NIPBL: variants seen among roughly 807,000 people sequenced by gnomAD.
The protein encoded by NIPBL is nipped-B-like protein.
In NIPBL, 19 loss-of-function variants were observed where a neutral mutation model predicts 321.8. The observed-to-expected ratio is 0.06, with a 90% CI of 0.04 to 0.09. The LOEUF is 0.09. NIPBL is among the 10% of genes least tolerant of loss of function. The pLI is 1.00. For synonymous variants in NIPBL, 1,106 were observed against 1,114.1 expected, an observed-to-expected ratio of 0.99 and a Z score of 0.14; for missense variants, 2,210 against 3,327.0, an observed-to-expected ratio of 0.66 and a Z score of 8.26.
intron 32 of NIPBL, among the ~76,000 whole-genome samples, chr5:37,032,389 G>A (rs1305672235): frequency 5.1e-5 from 1 of 19,554 alleles, no homozygotes; most frequent in African/African-American, 6.7e-4. Flanking sequence ...ATGTATACGT[G>A]TGTGTGTGTG....
intron 21 of NIPBL, among the ~76,000 whole-genome samples, chr5:37,014,226 GGGAGAGGGAGAGGGAGAA>G (rs1000940629): frequency 8.9e-5 from 13 of 146,500 alleles, no homozygotes; most frequent in East Asian, 3.9e-4. Flanking sequence ...ACCGTGGAGA[GGGAGAGGGAGAGGGAGAA>G]GGAGAGGGAG....
chr5:36,959,440 A>G (rs973740554), intron 4 of NIPBL, among the ~76,000 whole-genome samples: 2 of 152,198 alleles, frequency 1.3e-5, no homozygotes, highest in Admixed American at 6.5e-5. Flanking sequence ...CCTTTTAGCA[A>G]GTTGAAGGTA....
intron 42 of NIPBL, among the ~76,000 whole-genome samples, chr5:37,053,976 T>C (rs1169144154): frequency 6.6e-6 from 1 of 152,034 alleles, no homozygotes; most frequent in Admixed American, 6.5e-5. Context: ...GGCAGGTGGA[T>C]CACAAGGTCA....
In NIPBL at chr5:36,932,390, A is replaced by G. The variant is rs529059931; in HGVS notation, c.-79-21228A>G. On this transcript the variant is annotated intron_variant, in intron 1 of 46. Transcript: ENST00000282516. ...TTCGTTGTTAGGTATGAATACATGT[A>G]TAAACGTTATATCTTCCTTATGTAC... 4.6e-5 allele frequency among the ~76,000 whole-genome samples: 7 copies of G among 152,314 alleles called. No individual in the cohort carries two copies. In the East Asian group the frequency reaches 1.3e-3, roughly 29 times the overall value.
At chr5:36,915,635 G>A (rs1406064749) in intron 1 of NIPBL, among the ~76,000 whole-genome samples, 2 of 152,124 alleles carry the variant, frequency 1.3e-5, no homozygotes, top group Non-Finnish European at 2.9e-5. Flanking sequence ...TATTTAAAAT[G>A]TTTAAAGCTT....
At chr5:36,907,423 G>A (rs975521062) in intron 1 of NIPBL, among the ~76,000 whole-genome samples, 4 of 152,030 alleles carry the variant, frequency 2.6e-5, no homozygotes, top group Admixed American at 6.6e-5. Context: ...AAAAATAAAA[G>A]TTACGTAGAT....
At chr5:36,884,307 G>A (rs923655207) in intron 1 of NIPBL, among the ~76,000 whole-genome samples, 2 of 152,052 alleles carry the variant, frequency 1.3e-5, no homozygotes, top group Non-Finnish European at 1.5e-5. Context: ...CAGTTTCAGA[G>A]GCCTCAAATT....
intron 8 of NIPBL, among the ~76,000 whole-genome samples, chr5:36,975,090 A>G (rs1364835083): frequency 6.6e-6 from 1 of 151,932 alleles, no homozygotes; most frequent in Non-Finnish European, 1.5e-5. Flanking sequence ...AATATATTTT[A>G]TTGGGCCTTG....
In NIPBL at chr5:37,062,988, A is replaced by G. The variant is rs571951610; in HGVS notation, c.7861-802A>G. On this transcript the variant is annotated intron_variant, in intron 45 of 46. Transcript: ENST00000282516. ...TGATATTTCTATTTTATCACAATAT[A>G]AAAGTTTTTAAAAATGTTTTTGAAA... Among the ~76,000 whole-genome samples the G allele has an allele frequency of 7.2e-5, 11 of 152,310 alleles. No individual in the cohort carries two copies. In the South Asian group the frequency reaches 2.3e-3, roughly 32 times the overall value.
chr5:37,028,738 T>C (rs1328555369), intron 32 of NIPBL, among the ~76,000 whole-genome samples: 1 of 152,244 alleles, frequency 6.6e-6, no homozygotes, highest in Non-Finnish European at 1.5e-5. Context: ...TAAAAAATTA[T>C]CATTTATACC....
chr5:36,967,522 CTTTT>C (rs1385490837), intron 6 of NIPBL, among the ~76,000 whole-genome samples: 1 of 152,068 alleles, frequency 6.6e-6, no homozygotes, highest in African/African-American at 2.4e-5. Context: ...TTTCTTAACT[CTTTT>C]TATAAAGTTA....
At chr5:37,008,300 C>G (rs1460623372) in intron 19 of NIPBL, among the ~76,000 whole-genome samples, 1 of 152,034 alleles carries the variant, frequency 6.6e-6, no homozygotes, top group African/African-American at 2.4e-5. Flanking sequence ...GTTTTTGTCA[C>G]ATTTAAAACA....
intron 11 of NIPBL, chr5:36,997,090 A>ACTTAATT (rs1332647027): frequency 7.2e-5 from 11 of 152,264 alleles, no homozygotes; most frequent in African/African-American, 2.4e-4. Context: ...AATTTTTTTT[A>ACTTAATT]TTACAATCAG....
intron 32 of NIPBL, among the ~76,000 whole-genome samples, chr5:37,033,707 T>C (rs61078613): frequency 0.15 from 8,830 of 58,106 alleles, 1,076 homozygotes; most frequent in African/African-American, 0.32. Context: ...CACACACACA[T>C]ATATATATAT....
chr5:36,936,462 A>G (rs1738442114), intron 1 of NIPBL, among the ~76,000 whole-genome samples: 1 of 152,196 alleles, frequency 6.6e-6, no homozygotes, highest in Non-Finnish European at 1.5e-5. Flanking sequence ...AGGCTATACC[A>G]GTAGCAATAG....
chr5:37,058,638 G>T (rs759368267), intron 43 of NIPBL, among the ~76,000 whole-genome samples: 3 of 151,994 alleles, frequency 2.0e-5, no homozygotes, highest in Non-Finnish European at 4.4e-5. Flanking sequence ...GAAGAAAATT[G>T]TTTCCCTTTG....
rs1018739601 is a variant in NIPBL, at chr5:36,984,872, A to T, written c.1692A>T (p.Ile564=). Residue 564 remains isoleucine, a synonymous_variant, in exon 10 of 47, where the codon ATA becomes ATT. Coordinates refer to ENST00000282516, the MANE Select transcript of NIPBL (RefSeq NM_133433.4). ...QASITQDSDS[I]KKPEEIKQCN... The stretch of plus-strand genomic sequence containing the variant: ...CTATAACTCAGGATTCAGACTCCAT[A>T]AAAAAGCCTGAAGAAATCAAACAAT... The T allele has an allele frequency of 2.5e-6, 4 of 1,613,710 alleles. No individual in the cohort carries two copies. The highest frequency in any genetic ancestry group is 2.7e-5 in the African/African-American group (2 of 74,870).
At chr5:36,879,278 A>C (rs1389113741) in intron 1 of NIPBL, among the ~76,000 whole-genome samples, 1 of 152,184 alleles carries the variant, frequency 6.6e-6, no homozygotes, top group Non-Finnish European at 1.5e-5. Context: ...AGATGGGTTT[A>C]TGTGATTGAT....
chr5:36,882,154 C>G (rs1230462272), intron 1 of NIPBL, among the ~76,000 whole-genome samples: 1 of 151,876 alleles, frequency 6.6e-6, no homozygotes, highest in Non-Finnish European at 1.5e-5. Flanking sequence ...TTGTGAATAC[C>G]TTTAACACAT....
Sources: allele counts gnomAD v4.1 joint callset (sites outside exome capture counted in the v4.1 genomes callset), GRCh38; gene constraint gnomAD v4.1.1; transcripts MANE v1.5; gene names NCBI Gene and HGNC (gene_info 2026-07-23, HGNC 2026-07-21).